The following CSMD1 variants were observed in gnomAD, a reference collection of about 807,000 sequenced individuals.
CSMD1 encodes CUB and Sushi multiple domains 1.
Under a neutral mutation model 417.5 loss-of-function variants are expected in CSMD1, and 213 were observed. That is an observed-to-expected ratio of 0.51 (90% CI 0.46 to 0.57). CSMD1 has a LOEUF of 0.57. Among genes scored for constraint, CSMD1 ranks in the 20% least tolerant of loss-of-function variants. CSMD1 has a pLI of 0.00. For missense variants in CSMD1, 6,923 were observed against 4,529.7 expected, an observed-to-expected ratio of 1.53 and a Z score of -15.17; for synonymous variants, 2,862 against 1,736.8, an observed-to-expected ratio of 1.65 and a Z score of -16.11.
At chr8:4,102,465 C>G (rs902569544) in intron 3 of CSMD1, among the ~76,000 whole-genome samples, 1 of 152,142 alleles carries the variant, frequency 6.6e-6, no homozygotes, top group Non-Finnish European at 1.5e-5. Flanking sequence ...CAGTTTCAGG[C>G]AGATATCAAA....
At chr8:2,980,453 A>C in intron 54 of CSMD1, among the ~76,000 whole-genome samples, 3 of 145,200 alleles carry the variant, frequency 2.1e-5, no homozygotes, top group Admixed American at 6.9e-5. Context: ...CTCTTCTTCC[A>C]TCCCTCTCTT....
chr8:3,037,757 T>C (rs1810789441), intron 50 of CSMD1, among the ~76,000 whole-genome samples: 2 of 152,194 alleles, frequency 1.3e-5, no homozygotes, highest in African/African-American at 2.4e-5. Context: ...GACCAATTAA[T>C]AGAGTTTTAA....
chr8:4,190,947 G>T (rs1314939821), intron 3 of CSMD1, among the ~76,000 whole-genome samples: 3 of 151,356 alleles, frequency 2.0e-5, no homozygotes, highest in African/African-American at 7.4e-5. Context: ...GCGGCTCAGT[G>T]GAGAGTGGGG....
intron 1 of CSMD1, among the ~76,000 whole-genome samples, chr8:4,680,994 G>GAC (rs1806015341): frequency 6.6e-6 from 1 of 151,718 alleles, no homozygotes; most frequent in Non-Finnish European, 1.5e-5. Flanking sequence ...GAGAGAGAGA[G>GAC]AGAGAGAGAA....
At chr8:4,227,063 G>A (rs1013829522) in intron 3 of CSMD1, among the ~76,000 whole-genome samples, 4 of 152,178 alleles carry the variant, frequency 2.6e-5, no homozygotes, top group African/African-American at 9.7e-5. Context: ...GAACGACTCT[G>A]AAGGTGAAAT....
intron 2 of CSMD1, among the ~76,000 whole-genome samples, chr8:4,514,359 A>C (rs150970895): frequency 2.0e-5 from 3 of 152,270 alleles, no homozygotes; most frequent in African/African-American, 7.2e-5. Context: ...TGCAGATCAG[A>C]AGTAAAATAC....
intron 3 of CSMD1, among the ~76,000 whole-genome samples, chr8:4,095,216 CCT>C (rs1199724612): frequency 6.6e-5 from 10 of 152,170 alleles, no homozygotes; most frequent in African/African-American, 2.4e-4. Context: ...CAACGTACTG[CCT>C]CTCCTTAACT....
At chr8:4,306,142 T>A (rs1217501310) in intron 3 of CSMD1, among the ~76,000 whole-genome samples, 1 of 149,818 alleles carries the variant, frequency 6.7e-6, no homozygotes, top group Admixed American at 6.6e-5. Context: ...CTGTGTAGAT[T>A]TTTAGAAGAA....
chr8:4,093,968 A>AGATAGAT (rs1554445805), intron 3 of CSMD1, among the ~76,000 whole-genome samples: 2 of 104,314 alleles, frequency 1.9e-5, no homozygotes. Context: ...CATCTCAAAT[A>AGATAGAT]GATAGATAGA....
chr8:4,878,508 G>T (rs976697826), intron 1 of CSMD1, among the ~76,000 whole-genome samples: 1 of 151,776 alleles, frequency 6.6e-6, no homozygotes, highest in Admixed American at 6.6e-5. Flanking sequence ...TGATGATGAT[G>T]ATTTTTATTA....
intron 1 of CSMD1, among the ~76,000 whole-genome samples, chr8:4,693,739 T>A (rs1054246687): frequency 3.4e-5 from 1 of 28,994 alleles, no homozygotes; most frequent in Non-Finnish European, 5.7e-5. Context: ...TTCATAGATG[T>A]GATCATAGCT....
chr8:3,430,988 G>C (rs151118223), intron 12 of CSMD1, among the ~76,000 whole-genome samples: 82 of 152,234 alleles, frequency 5.4e-4, no homozygotes, highest in Non-Finnish European at 9.7e-4. Flanking sequence ...CATTGTCTGA[G>C]CCCTTAAATC....
At chr8:4,708,277 A>G (rs1386052115) in intron 1 of CSMD1, among the ~76,000 whole-genome samples, 2 of 152,150 alleles carry the variant, frequency 1.3e-5, no homozygotes, top group African/African-American at 2.4e-5. Flanking sequence ...TTCCCTTCAG[A>G]ATATAAATCA....
chr8:3,705,677 T>C (rs541144245), intron 7 of CSMD1, among the ~76,000 whole-genome samples: 3 of 152,332 alleles, frequency 2.0e-5, no homozygotes, highest in Admixed American at 6.5e-5. Flanking sequence ...ATAAATCTTC[T>C]GTCATATCCG....
At chr8:3,753,343 A>G (rs1055436821) in intron 6 of CSMD1, among the ~76,000 whole-genome samples, 3 of 152,236 alleles carry the variant, frequency 2.0e-5, no homozygotes, top group Non-Finnish European at 4.4e-5. Context: ...AGGAAATGAT[A>G]CAATATGATC....
intron 1 of CSMD1, among the ~76,000 whole-genome samples, chr8:4,845,299 G>C (rs556841214): frequency 1.3e-5 from 2 of 152,176 alleles, no homozygotes; most frequent in African/African-American, 4.8e-5. Flanking sequence ...AACGAACACT[G>C]TTAATGTGCT....
chr8:4,096,845 T>G (rs1801038881), intron 3 of CSMD1, among the ~76,000 whole-genome samples: 1 of 152,182 alleles, frequency 6.6e-6, no homozygotes, highest in Admixed American at 6.5e-5. Context: ...GAGGTGTGTG[T>G]CTCAGGTAAA....
intron 26 of CSMD1, among the ~76,000 whole-genome samples, chr8:3,243,184 T>C (rs1799656672): frequency 1.3e-5 from 2 of 152,016 alleles, no homozygotes; most frequent in Non-Finnish European, 2.9e-5. Flanking sequence ...CGATTTAAAA[T>C]TGGTGAGATG....
At chr8:3,935,789 A>C (rs939434872) in intron 5 of CSMD1, among the ~76,000 whole-genome samples, 3 of 152,158 alleles carry the variant, frequency 2.0e-5, no homozygotes, top group Non-Finnish European at 4.4e-5. Context: ...TAATAAGCCT[A>C]CAGTGGCCTT....
Sources: gnomAD v4.1 joint callset for allele counts (sites outside exome capture counted in the v4.1 genomes callset) on GRCh38, gnomAD v4.1.1 for gene constraint, MANE v1.5 for transcripts, NCBI Gene and HGNC (gene_info 2026-07-23, HGNC 2026-07-21) for gene names.